Variants in GPR176 observed in about 807,000 individuals in gnomAD.
GPR176 encodes G-protein coupled receptor 176.
Under a neutral mutation model 35.4 loss-of-function variants are expected in GPR176, and 26 were observed. The observed-to-expected ratio is 0.74, with a 90% CI of 0.54 to 1.02. The LOEUF (loss-of-function observed/expected upper bound fraction) is 1.02. Ranked by LOEUF, GPR176 falls within the 50% of genes least tolerant of loss-of-function variation. GPR176 has a pLI of 0.00. For synonymous variants in GPR176, 278 were observed against 271.3 expected (o/e 1.02, Z -0.24); for missense variants, 597 against 665.3 (o/e 0.90, Z 1.13).
chr15:39,817,456 A>G (rs1899995661), intron 1 of GPR176, among the ~76,000 whole-genome samples: 1 of 152,238 alleles, frequency 6.6e-6, no homozygotes, highest in South Asian at 2.1e-4. Flanking sequence ...GATTGATTTC[A>G]CTAAAGGGAT....
intron 1 of GPR176, among the ~76,000 whole-genome samples, chr15:39,811,689 G>A (rs1899561954): frequency 1.3e-5 from 2 of 152,222 alleles, no homozygotes; most frequent in South Asian, 4.2e-4. Flanking sequence ...GGCCAAGGCG[G>A]GCAGATCACG....
At chr15:39,813,995 C>T (rs1899738433) in intron 1 of GPR176, among the ~76,000 whole-genome samples, 1 of 152,090 alleles carries the variant, frequency 6.6e-6, no homozygotes, top group African/African-American at 2.4e-5. Context: ...AGTTGGTGTC[C>T]CCAAATGCTC....
chr15:39,867,024 G>C (rs1413235546), intron 1 of GPR176, among the ~76,000 whole-genome samples: 1 of 152,148 alleles, frequency 6.6e-6, no homozygotes, highest in Non-Finnish European at 1.5e-5. Context: ...AGAGGAGAAA[G>C]AGAATTCATA....
chr15:39,898,770 G>C (rs377187425), intron 1 of GPR176, among the ~76,000 whole-genome samples: 1 of 152,090 alleles, frequency 6.6e-6, no homozygotes, highest in East Asian at 1.9e-4. Context: ...AGAGTAATTG[G>C]GGAGGGCTAA....
At chr15:39,824,821 C>T (rs567246973) in intron 1 of GPR176, among the ~76,000 whole-genome samples, 2 of 152,342 alleles carry the variant, frequency 1.3e-5, no homozygotes, top group South Asian at 2.1e-4. Flanking sequence ...ACAAGCTCAA[C>T]ATTTTATCCC....
chr15:39,851,271 C>T (rs563249563), intron 1 of GPR176, among the ~76,000 whole-genome samples: 1 of 152,138 alleles, frequency 6.6e-6, no homozygotes. Flanking sequence ...TTCACACAGG[C>T]TACAGTACTT....
intron 1 of GPR176, among the ~76,000 whole-genome samples, chr15:39,845,581 G>T (rs1468689656): frequency 6.6e-6 from 1 of 151,874 alleles, no homozygotes; most frequent in Non-Finnish European, 1.5e-5. Context: ...TTTAGTCTGG[G>T]GTAAAACTGG....
chr15:39,889,310 G>A (rs1010432684), intron 1 of GPR176, among the ~76,000 whole-genome samples: 2 of 152,154 alleles, frequency 1.3e-5, no homozygotes, highest in African/African-American at 4.8e-5. Context: ...CACTTTGGGA[G>A]GCTGAGGTGG....
chr15:39,854,514 C>T (rs1029171521), intron 1 of GPR176, among the ~76,000 whole-genome samples: 1 of 152,152 alleles, frequency 6.6e-6, no homozygotes, highest in African/African-American at 2.4e-5. Flanking sequence ...GCCATTTGTG[C>T]TCACTCTATC....
intron 1 of GPR176, among the ~76,000 whole-genome samples, chr15:39,854,869 C>T (rs2031107062): frequency 6.6e-6 from 1 of 151,866 alleles, no homozygotes; most frequent in African/African-American, 2.4e-5. Context: ...AGACATCCCC[C>T]CACCACACCC....
chr15:39,904,453 C>G (rs772379844), intron 1 of GPR176, among the ~76,000 whole-genome samples: 2 of 152,100 alleles, frequency 1.3e-5, no homozygotes, highest in Non-Finnish European at 2.9e-5. Flanking sequence ...AAGACTCAAA[C>G]CTTCACCAAC....
chr15:39,883,300 T>C (rs745388097), intron 1 of GPR176, among the ~76,000 whole-genome samples: 4 of 152,176 alleles, frequency 2.6e-5, no homozygotes, highest in Non-Finnish European at 5.9e-5. Flanking sequence ...TATAGCTAAA[T>C]ATTAGATATT....
intron 1 of GPR176, among the ~76,000 whole-genome samples, chr15:39,811,818 A>G (rs1899580630): frequency 6.6e-6 from 1 of 151,992 alleles, no homozygotes; most frequent in South Asian, 2.1e-4. Context: ...CAGCAGGCTG[A>G]GGCAGGAGAA....
At chr15:39,882,494 T>G (rs1043891549) in intron 1 of GPR176, among the ~76,000 whole-genome samples, 6 of 152,224 alleles carry the variant, frequency 3.9e-5, no homozygotes, top group African/African-American at 1.4e-4. Context: ...CGGAAGAGAC[T>G]TTTCATGAGT....
At chr15:39,816,375 T>C (rs1205425516) in intron 1 of GPR176, among the ~76,000 whole-genome samples, 2 of 152,154 alleles carry the variant, frequency 1.3e-5, no homozygotes, top group Non-Finnish European at 2.9e-5. Flanking sequence ...ATACATGTTG[T>C]ACAACACAGA....
At chr15:39,837,595 T>C (rs1216678864) in intron 1 of GPR176, among the ~76,000 whole-genome samples, 1 of 152,114 alleles carries the variant, frequency 6.6e-6, no homozygotes, top group Non-Finnish European at 1.5e-5. Flanking sequence ...ACACAGCACT[T>C]AGCACAGTAG....
intron 1 of GPR176, among the ~76,000 whole-genome samples, chr15:39,903,126 A>G (rs1293940174): frequency 6.6e-6 from 1 of 152,238 alleles, no homozygotes; most frequent in East Asian, 1.9e-4. Flanking sequence ...GCTCATTTAA[A>G]GTAGTCTAGG....
intron 1 of GPR176, among the ~76,000 whole-genome samples, chr15:39,851,126 A>G (rs2030838786): frequency 6.6e-6 from 1 of 152,188 alleles, no homozygotes; most frequent in Non-Finnish European, 1.5e-5. Context: ...GATAAGGACA[A>G]TTTTGTTCTA....
chr15:39,834,635 T>C (rs1232409402), intron 1 of GPR176, among the ~76,000 whole-genome samples: 1 of 152,132 alleles, frequency 6.6e-6, no homozygotes, highest in Non-Finnish European at 1.5e-5. Flanking sequence ...TGCAACAACA[T>C]GTATGGGACT....
Sources: allele counts gnomAD v4.1 joint callset (sites outside exome capture counted in the v4.1 genomes callset), GRCh38; gene constraint gnomAD v4.1.1; transcripts MANE v1.5; gene names NCBI Gene and HGNC (gene_info 2026-07-23, HGNC 2026-07-21).